Variants in HCN1 observed in about 807,000 individuals in gnomAD.
HCN1 encodes the protein potassium/sodium hyperpolarization-activated cyclic nucleotide-gated channel 1.
HCN1 carries 13 observed loss-of-function variants against 78.9 expected under a neutral mutation model. That is an observed-to-expected ratio of 0.16 (90% CI 0.11 to 0.26). The LOEUF (loss-of-function observed/expected upper bound fraction) is 0.26. HCN1 is among the 10% of genes least tolerant of loss of function. The pLI is 1.00. For synonymous variants in HCN1, 552 were observed against 455.5 expected (o/e 1.21, Z -2.70); for missense variants, 810 against 1,154.3 (o/e 0.70, Z 4.32).
intron 2 of HCN1, among the ~76,000 whole-genome samples, chr5:45,518,401 G>C (rs576007499): frequency 6.6e-6 from 1 of 152,126 alleles, no homozygotes; most frequent in East Asian, 1.9e-4. Context: ...GAAGCATGGT[G>C]GTGTGGCAGC....
At chr5:45,303,439 C>T (rs1745667951) in intron 6 of HCN1, among the ~76,000 whole-genome samples, 160 bp downstream of exon 6, 2 of 152,068 alleles carry the variant, frequency 1.3e-5, no homozygotes, top group South Asian at 4.1e-4. Context: ...GAGCCTGTGA[C>T]TCTGAAATAT....
At chr5:45,643,490 C>T (rs1427266684) in intron 2 of HCN1, 1 of 151,944 alleles carries the variant, frequency 6.6e-6, no homozygotes, top group Non-Finnish European at 1.5e-5. Flanking sequence ...CCCTATAATT[C>T]GTTAGACAAT....
intron 2 of HCN1, among the ~76,000 whole-genome samples, chr5:45,631,925 A>C: frequency 6.6e-6 from 1 of 152,218 alleles, no homozygotes; most frequent in East Asian, 1.9e-4. Flanking sequence ...AAAATAAATT[A>C]TCATCCAGAG....
At chr5:45,519,573 C>T (rs904016296) in intron 2 of HCN1, among the ~76,000 whole-genome samples, 1 of 151,898 alleles carries the variant, frequency 6.6e-6, no homozygotes. Flanking sequence ...AACATGTTTT[C>T]CCCCTCAGTC....
rs1167881197 is a variant in HCN1 at position 45,527,071 on chromosome 5, CTCTG to C, written c.850-65068_850-65065del. ...TCTCCCTCTTTCTCTCTCTCTCTCT[CTCTG>C]TCTCTCTCACACACACTGACATTCA... On this transcript the variant is annotated intron_variant, in intron 2 of 7. Coordinates refer to ENST00000303230, the MANE Select transcript of HCN1 (RefSeq NM_021072.4). Among the ~76,000 whole-genome samples, 302 of 134,998 alleles carry C rather than the reference CTCTG, an allele frequency of 2.2e-3. 50 individuals are homozygous for C. Among genetic ancestry groups the C allele is most frequent in the African/African-American group, 8.1e-3 (290 of 35,864 alleles). 88.6% of individuals were successfully genotyped at this position (134,998 alleles called of 152,430 possible). A position where few individuals can be genotyped will look rare whatever the true frequency, so the allele number is the denominator to read the frequency against.
intron 3 of HCN1, among the ~76,000 whole-genome samples, chr5:45,428,095 C>T (rs554970545): frequency 6.6e-6 from 1 of 151,820 alleles, no homozygotes; most frequent in East Asian, 1.9e-4. Context: ...GTATTCACTT[C>T]TATTCTTTAT....
At chr5:45,456,880 T>G (rs548086480) in intron 3 of HCN1, among the ~76,000 whole-genome samples, 1 of 152,170 alleles carries the variant, frequency 6.6e-6, no homozygotes, top group Admixed American at 6.6e-5. Context: ...ATCTTTCAAT[T>G]GGTATAAATG....
At chr5:45,512,500 T>G (rs939392719) in intron 2 of HCN1, among the ~76,000 whole-genome samples, 9 of 152,142 alleles carry the variant, frequency 5.9e-5, no homozygotes, top group Admixed American at 4.6e-4. Flanking sequence ...AAAAAATATT[T>G]TATTGGTAAT....
At chr5:45,521,565 A>G (rs908930880) in intron 2 of HCN1, among the ~76,000 whole-genome samples, 2 of 151,954 alleles carry the variant, frequency 1.3e-5, no homozygotes, top group African/African-American at 4.8e-5. Context: ...CTTTGTGTCC[A>G]AATCAAATGC....
In HCN1 at chr5:45,280,609, T is replaced by C. The variant is rs1364170374; in HGVS notation, c.1619-13356A>G. Among the ~76,000 whole-genome samples, 2 of 152,196 alleles carry C rather than the reference T, an allele frequency of 1.3e-5. 1 individual carries two copies. The highest frequency in any genetic ancestry group is 4.8e-5 in the African/African-American group (2 of 41,446). ...CCACAATAAGGACTGACAGGAGTGCTCATGAGGACATATTTTTGGCCTCCT... is the reference window on the plus strand; with the variant it reads ...CCACAATAAGGACTGACAGGAGTGCCCATGAGGACATATTTTTGGCCTCCT... On this transcript the variant is annotated intron_variant, in intron 6 of 7. Coordinates refer to ENST00000303230, the MANE Select transcript of HCN1 (RefSeq NM_021072.4).
intron 2 of HCN1, among the ~76,000 whole-genome samples, chr5:45,553,535 T>A (rs968750738): frequency 6.6e-6 from 1 of 151,886 alleles, no homozygotes. Context: ...TCCCTTGGTA[T>A]CCATCCCCCA....
intron 4 of HCN1, among the ~76,000 whole-genome samples, chr5:45,374,053 T>G (rs1320711042): frequency 1.1e-5 from 1 of 91,206 alleles, no homozygotes. Flanking sequence ...ATATTATATA[T>G]ATTATATATA....
intron 3 of HCN1, among the ~76,000 whole-genome samples, chr5:45,457,746 T>G (rs1741058136): frequency 6.6e-6 from 1 of 152,112 alleles, no homozygotes. Context: ...TACCACGGCA[T>G]AAGGATAGAA....
chr5:45,674,091 A>C (rs1483466457), intron 1 of HCN1, among the ~76,000 whole-genome samples: 2 of 151,360 alleles, frequency 1.3e-5, no homozygotes, highest in East Asian at 3.9e-4. Flanking sequence ...TTATGTTTTA[A>C]AAGTTAATAT....
intron 2 of HCN1, among the ~76,000 whole-genome samples, chr5:45,533,484 T>G (rs1038931141): frequency 6.6e-6 from 1 of 152,244 alleles, no homozygotes; most frequent in Non-Finnish European, 1.5e-5. Flanking sequence ...GATATGATGA[T>G]GCCCAGCTCT....
chr5:45,528,205 A>C (rs1221243762), intron 2 of HCN1, among the ~76,000 whole-genome samples: 1 of 151,982 alleles, frequency 6.6e-6, no homozygotes, highest in Non-Finnish European at 1.5e-5. Flanking sequence ...TTTCCTTCAA[A>C]TATCTGTCTG....
intron 3 of HCN1, among the ~76,000 whole-genome samples, chr5:45,461,391 T>G (rs116195604): frequency 0.03 from 4,632 of 152,234 alleles, 276 homozygotes; most frequent in African/African-American, 0.1. Flanking sequence ...AAACTTCATT[T>G]GGCTTCATAC....
rs967184161 is a variant in HCN1 at position 45,674,290 on chromosome 5, T to G, written c.425+21379A>C. On this transcript the variant is annotated intron_variant, in intron 1 of 7. Transcript: ENST00000303230. ...TTTAAAACAATTTTATGAGGAGAAC[T>G]TAGAAGTCTATATTTTAAGTGCCAC... Among the ~76,000 whole-genome samples, 4 of 151,582 alleles carry G rather than the reference T, an allele frequency of 2.6e-5. No individual in the cohort carries two copies. In the East Asian group the frequency reaches 7.8e-4, roughly 29 times the overall value.
intron 2 of HCN1, among the ~76,000 whole-genome samples, chr5:45,548,589 A>T (rs1217553661): frequency 6.6e-6 from 1 of 152,116 alleles, no homozygotes; most frequent in Non-Finnish European, 1.5e-5. Flanking sequence ...CTGGCACAAG[A>T]CAGGGATGCC....
Sources: allele counts gnomAD v4.1 joint callset (sites outside exome capture counted in the v4.1 genomes callset), GRCh38; gene constraint gnomAD v4.1.1; transcripts MANE v1.5; gene names NCBI Gene and HGNC (gene_info 2026-07-23, HGNC 2026-07-21).